The following MARCHF10 variants were observed in gnomAD, a reference collection of about 807,000 sequenced individuals.
MARCHF10 encodes the protein probable E3 ubiquitin-protein ligase MARCHF10.
MARCHF10 carries 64 observed loss-of-function variants against 76.2 expected under a neutral mutation model. That is an observed-to-expected ratio of 0.84 (90% CI 0.69 to 1.03). The LOEUF is 1.03. Ranked by LOEUF, MARCHF10 falls within the 50% of genes least tolerant of loss-of-function variation. MARCHF10 has a pLI of 0.00. For missense variants in MARCHF10, 875 were observed against 958.0 expected (o/e 0.91, Z 1.14); for synonymous variants, 340 against 357.5 (o/e 0.95, Z 0.55).
intron 2 of MARCHF10, among the ~76,000 whole-genome samples, chr17:62,793,143 CAT>C (rs2092899408): frequency 6.9e-6 from 1 of 145,750 alleles, no homozygotes; most frequent in Admixed American, 6.8e-5. Context: ...CCATCACCAC[CAT>C]CACCACCACC....
chr17:62,745,061 C>CGAAGGTA lies in MARCHF10; in HGVS notation c.383-540_383-534dup, dbSNP rs1389563842. ...CCCATGATGCCTGCGATGCAGAGGC[C>CGAAGGTA]GAAGGTAGGGATCTTTCCTTTTGCT... On this transcript the variant is annotated intron_variant, in intron 4 of 10. Transcript: ENST00000311269. 7.3e-5 allele frequency among the ~76,000 whole-genome samples: 11 copies of CGAAGGTA among 150,348 alleles called. No individual in the cohort carries two copies. The East Asian group carries it at 2.1e-3, about 29-fold the overall frequency.
intron 4 of MARCHF10, 113 bp downstream of exon 4, chr17:62,759,722 C>T: frequency 9.2e-7 from 1 of 1,088,096 alleles, no homozygotes; most frequent in Non-Finnish European, 1.3e-6. Flanking sequence ...CCGCCGGCCT[C>T]AGCCTCTCAA....
chr17:62,762,350 A>G (rs996669058), intron 3 of MARCHF10, among the ~76,000 whole-genome samples: 1 of 152,212 alleles, frequency 6.6e-6, no homozygotes, highest in Admixed American at 6.5e-5. Flanking sequence ...GTAATCATTA[A>G]GAGTCTAGAA....
chr17:62,790,319 G>A (rs2092821316), intron 2 of MARCHF10, among the ~76,000 whole-genome samples: 1 of 152,146 alleles, frequency 6.6e-6, no homozygotes, highest in Non-Finnish European at 1.5e-5. Context: ...GGGGTTACAG[G>A]AGTGTGCCAC....
At chr17:62,792,906 TCAC>T (rs1248494959) in intron 2 of MARCHF10, among the ~76,000 whole-genome samples, 2 of 112,718 alleles carry the variant, frequency 1.8e-5, no homozygotes, top group African/African-American at 3.5e-5. Context: ...ACCACCTCCA[TCAC>T]CACCACCACA....
At chr17:62,753,645 T>A (rs2091960411) in intron 4 of MARCHF10, among the ~76,000 whole-genome samples, 1 of 152,184 alleles carries the variant, frequency 6.6e-6, no homozygotes, top group African/African-American at 2.4e-5. Context: ...TCCGTTCCTT[T>A]GCACACTCAG....
chr17:62,777,926 C>T lies in MARCHF10; in HGVS notation c.210+10554G>A, dbSNP rs190193750. ...ATACCTTCCTGGGCAAAGCCAACAACCCTCCTGGGCTAAGTCCCAAGGCTG... is the reference window on the plus strand; with the variant it reads ...ATACCTTCCTGGGCAAAGCCAACAATCCTCCTGGGCTAAGTCCCAAGGCTG... On this transcript the variant is annotated intron_variant, in intron 3 of 10. Coordinates refer to ENST00000311269, the MANE Select transcript of MARCHF10 (RefSeq NM_152598.4). Among the ~76,000 whole-genome samples, 31 of 152,248 alleles carry T rather than the reference C, an allele frequency of 2.0e-4. No homozygotes were observed. In the East Asian group the frequency reaches 5.0e-3, roughly 25 times the overall value.
chr17:62,784,320 A>G (rs934197561), intron 3 of MARCHF10, among the ~76,000 whole-genome samples: 3 of 152,220 alleles, frequency 2.0e-5, no homozygotes, highest in African/African-American at 7.2e-5. Flanking sequence ...ACAAAATTCA[A>G]CAACCCCTCA....
At chr17:62,780,254 T>C (rs563958841) in intron 3 of MARCHF10, among the ~76,000 whole-genome samples, 3 of 152,356 alleles carry the variant, frequency 2.0e-5, no homozygotes, top group African/African-American at 7.2e-5. Context: ...ATGTGCCTAG[T>C]GGCCACTGTA....
At position 62,710,974 on chromosome 17, in the gene MARCHF10, T is replaced by C. The variant is rs58571166; in HGVS notation, c.2328+257A>G. ...GGGGGGCAAATATCCTAGAGGCTCATTCGGTTATATGACCATTGATGACCA... is the reference window on the plus strand; with the variant it reads ...GGGGGGCAAATATCCTAGAGGCTCACTCGGTTATATGACCATTGATGACCA... On this transcript the variant is annotated intron_variant, in intron 9 of 10. Coordinates refer to ENST00000311269, the MANE Select transcript of MARCHF10 (RefSeq NM_152598.4). Among the ~76,000 whole-genome samples, 11,639 of 152,218 alleles carry C rather than the reference T, an allele frequency of 0.076. 689 individuals carry two copies. The highest frequency in any genetic ancestry group is 0.17 in the African/African-American group (6,863 of 41,512).
intron 3 of MARCHF10, among the ~76,000 whole-genome samples, chr17:62,770,951 G>A (rs2092434601): frequency 6.7e-6 from 1 of 149,360 alleles, no homozygotes; most frequent in African/African-American, 2.5e-5. Context: ...TGCCTCCCAG[G>A]TTCAAGTGAT....
At position 62,711,457 on chromosome 17, in the gene MARCHF10, G is replaced by T; in HGVS notation, c.2215-113C>A. 1 of 971,272 alleles carries T rather than the reference G, an allele frequency of 1.0e-6. No homozygotes were observed. The highest frequency in any genetic ancestry group is 1.6e-6 in the Non-Finnish European group (1 of 638,728). The allele number at this position is 971,272 out of a possible 1,614,324, so 60.2% of individuals were successfully genotyped here. ...GACAAGAACTGGGAGAAGAGCCCAA[G>T]CTCCAAGGCAAGGCCTGCTCTTGGG... On this transcript the variant is annotated intron_variant, in intron 8 of 10. Coordinates refer to ENST00000311269, the MANE Select transcript of MARCHF10 (RefSeq NM_152598.4). The surrounding 1 kb of genome is among the most constrained non-coding windows in gnomAD (Gnocchi z 4.4).
At chr17:62,704,078 T>A (rs2089420522) in intron 10 of MARCHF10, among the ~76,000 whole-genome samples, 1 of 151,826 alleles carries the variant, frequency 6.6e-6, no homozygotes, top group Admixed American at 6.6e-5. Flanking sequence ...GGGACCCTGC[T>A]GCCCTGTCCT....
At chr17:62,792,925 T>C (rs966489315) in intron 2 of MARCHF10, among the ~76,000 whole-genome samples, 46 of 64,982 alleles carry the variant, frequency 7.1e-4, no homozygotes, top group African/African-American at 2.1e-3. Context: ...CCACAACCAT[T>C]ACCACCACCA....
chr17:62,705,684 C>A (rs2089544238), intron 9 of MARCHF10, 103 bp from the exon 10 acceptor site: 11 of 1,418,678 alleles, frequency 7.8e-6, no homozygotes, highest in Non-Finnish European at 1.1e-5. Context: ...ATCCCTTACA[C>A]CACTTTAAAG....
At chr17:62,807,811 G>A (rs1376311130) in intron 1 of MARCHF10, among the ~76,000 whole-genome samples, 3 of 152,084 alleles carry the variant, frequency 2.0e-5, no homozygotes, top group African/African-American at 7.2e-5. Flanking sequence ...GAAGCCCAGT[G>A]GGCCATGGTC....
At chr17:62,732,838 C>T (rs1403845730) in intron 6 of MARCHF10, among the ~76,000 whole-genome samples, 1 of 151,068 alleles carries the variant, frequency 6.6e-6, no homozygotes, top group South Asian at 2.1e-4. Flanking sequence ...AATAAAAATA[C>T]AAAAATTAGC....
At chr17:62,717,046 C>T (rs1247675619) in intron 8 of MARCHF10, among the ~76,000 whole-genome samples, 4 of 152,354 alleles carry the variant, frequency 2.6e-5, no homozygotes, top group Admixed American at 1.3e-4. Context: ...GGGCTCACCG[C>T]GCCTCGGGGA....
At chr17:62,775,162 C>G (rs2092526277) in intron 3 of MARCHF10, among the ~76,000 whole-genome samples, 1 of 149,766 alleles carries the variant, frequency 6.7e-6, no homozygotes, top group Non-Finnish European at 1.5e-5. Context: ...GTCTCACTCT[C>G]TCGCCCAGGC....
Sources: gnomAD v4.1 joint callset for allele counts (sites outside exome capture counted in the v4.1 genomes callset) on GRCh38, gnomAD v4.1.1 for gene constraint, Gnocchi (gnomAD v3.1) non-coding constraint, MANE v1.5 for transcripts, NCBI Gene and HGNC (gene_info 2026-07-23, HGNC 2026-07-21) for gene names.